Variants in DEPDC1B observed in about 807,000 individuals in gnomAD.
DEPDC1B encodes DEP domain containing 1B, also known as DEP domain-containing protein 1B.
A neutral mutation model predicts 66.5 loss-of-function variants in DEPDC1B; 51 were observed. That is an observed-to-expected ratio of 0.77 (90% CI 0.61 to 0.97). The LOEUF (loss-of-function observed/expected upper bound fraction) is 0.97. Ranked by LOEUF, DEPDC1B falls within the 50% of genes least tolerant of loss-of-function variation. The pLI, the probability that DEPDC1B is intolerant of heterozygous loss-of-function variation, is 0.00. For synonymous variants in DEPDC1B, 226 were observed against 223.6 expected (o/e 1.01, Z -0.10); for missense variants, 552 against 637.1 (o/e 0.87, Z 1.44).
chr5:60,692,039 T>C (rs1049801926), intron 1 of DEPDC1B, among the ~76,000 whole-genome samples: 2 of 152,140 alleles, frequency 1.3e-5, no homozygotes, highest in Admixed American at 6.5e-5. Flanking sequence ...TGCAACGACA[T>C]GGATGGAAGT....
At chr5:60,621,596 A>T (rs1266791460) in intron 7 of DEPDC1B, among the ~76,000 whole-genome samples, 2 of 152,010 alleles carry the variant, frequency 1.3e-5, no homozygotes, top group African/African-American at 4.8e-5. Context: ...TGTCGACTTA[A>T]TGGGTGCAGC....
At chr5:60,621,985 A>G (rs938783291) in intron 7 of DEPDC1B, among the ~76,000 whole-genome samples, 19 of 152,126 alleles carry the variant, frequency 1.2e-4, no homozygotes, top group African/African-American at 3.9e-4. Context: ...AGTTATATTA[A>G]ATAAAACCCT....
chr5:60,681,011 G>A (rs1414939395), intron 2 of DEPDC1B, among the ~76,000 whole-genome samples: 1 of 152,184 alleles, frequency 6.6e-6, no homozygotes, highest in Non-Finnish European at 1.5e-5. Context: ...TTTACAACTA[G>A]GATACTACCA....
chr5:60,661,361 G>A (rs939294385), intron 2 of DEPDC1B, among the ~76,000 whole-genome samples: 2 of 152,186 alleles, frequency 1.3e-5, no homozygotes, highest in Non-Finnish European at 2.9e-5. Flanking sequence ...TACACACCCT[G>A]GAAAGGAATA....
chr5:60,637,008 G>C (rs1327405536), intron 7 of DEPDC1B, among the ~76,000 whole-genome samples: 1 of 152,072 alleles, frequency 6.6e-6, no homozygotes, highest in South Asian at 2.1e-4. Context: ...ATACAAATTG[G>C]AATTTGTTTT....
intron 2 of DEPDC1B, among the ~76,000 whole-genome samples, chr5:60,682,553 A>G (rs951112251): frequency 5.9e-5 from 9 of 152,164 alleles, no homozygotes; most frequent in African/African-American, 9.6e-5. Context: ...AAAATAAAGA[A>G]AGCCTACATG....
At chr5:60,621,674 A>C (rs1431275699) in intron 7 of DEPDC1B, among the ~76,000 whole-genome samples, 2 of 152,176 alleles carry the variant, frequency 1.3e-5, no homozygotes. Context: ...CCTAGAACTT[A>C]AAGTATACCC....
chr5:60,676,474 A>T (rs1027275705), intron 2 of DEPDC1B, among the ~76,000 whole-genome samples: 2 of 152,158 alleles, frequency 1.3e-5, no homozygotes, highest in Admixed American at 6.5e-5. Flanking sequence ...CCTCGCTTTA[A>T]TAACTTCTCC....
chr5:60,687,205 A>G lies in DEPDC1B; in HGVS notation c.71T>C (p.Phe24Ser), dbSNP rs988631531. The G allele has an allele frequency of 5.6e-6, 9 of 1,612,196 alleles. No individual in the cohort carries two copies. The highest frequency in any genetic ancestry group is 5.0e-5 in the Admixed American group (3 of 59,976). Residue 24 changes from phenylalanine (F) to serine (S), a missense_variant, in exon 2 of 11, where the codon TTT becomes TCT. By Grantham distance (155) the Phe-to-Ser change is radical (BLOSUM62 -2). Transcript: ENST00000265036. ...TTTCCGTAACGGCATCTTAGCACGA[A>G]AAAGCTCCACGGTCTCATTCCACTA... The part of the protein sequence containing the change: ...TRLWNETVEL[F>S]RAKMPLRKHR...
chr5:60,603,596 C>A (rs772636966), intron 8 of DEPDC1B, 29 bp from the exon 9 acceptor site: 3 of 1,541,656 alleles, frequency 1.9e-6, no homozygotes. Context: ...GGGGGGTAAA[C>A]GCAGATGAGT....
rs1015844573 is a variant in DEPDC1B, at chr5:60,635,782, T to A, written c.898+2968A>T. Among the ~76,000 whole-genome samples, 11 of 152,228 alleles carry A rather than the reference T, an allele frequency of 7.2e-5. No homozygotes were observed. The South Asian group carries it at 1.0e-3, about 14-fold the overall frequency. On this transcript the variant is annotated intron_variant, in intron 7 of 10. Coordinates refer to ENST00000265036, the MANE Select transcript of DEPDC1B (RefSeq NM_018369.3). ...GCTGCCAGATCTTCTAAATTTTTTT[T>A]AAAAAAACAGAAATATGAATTCTGA...
At chr5:60,699,454 A>AAAAAAAAAAAAAAAAAC (rs1168069082) in intron 1 of DEPDC1B, among the ~76,000 whole-genome samples, 1 of 150,798 alleles carries the variant, frequency 6.6e-6, no homozygotes, top group Non-Finnish European at 1.5e-5. Flanking sequence ...AAAAAAAAAA[A>AAAAAAAAAAAAAAAAAC]AAAAAAAACA....
intron 1 of DEPDC1B, among the ~76,000 whole-genome samples, chr5:60,692,117 C>T (rs1019482505): frequency 1.3e-5 from 2 of 152,020 alleles, no homozygotes; most frequent in African/African-American, 2.4e-5. Context: ...CTCATTTATA[C>T]GTGGAATCTA....
chr5:60,633,207 C>A (rs561077182), intron 7 of DEPDC1B, among the ~76,000 whole-genome samples: 1 of 152,334 alleles, frequency 6.6e-6, no homozygotes, highest in South Asian at 2.1e-4. Flanking sequence ...AGAGCCTGGA[C>A]TCCTTACCCC....
chr5:60,663,655 T>A (rs1375398804), intron 2 of DEPDC1B, among the ~76,000 whole-genome samples: 1 of 152,184 alleles, frequency 6.6e-6, no homozygotes, highest in African/African-American at 2.4e-5. Flanking sequence ...ATAGCCCCCA[T>A]CTATTTGGCC....
chr5:60,612,122 T>C (rs1247475805), intron 7 of DEPDC1B, among the ~76,000 whole-genome samples: 1 of 152,000 alleles, frequency 6.6e-6, no homozygotes, highest in Non-Finnish European at 1.5e-5. Context: ...CTAGGGCCCT[T>C]AAGAATTATG....
chr5:60,630,828 T>C (rs1034067562), intron 7 of DEPDC1B: 23 of 156,828 alleles, frequency 1.5e-4, no homozygotes, highest in African/African-American at 5.5e-4. Context: ...AAGACATCTG[T>C]ACCTAGCAGA....
rs1014273489 is a variant in DEPDC1B, at chr5:60,642,975, A to C, written c.710-116T>G. The C allele has an allele frequency of 5.3e-5, 37 of 699,158 alleles. 1 individual carries two copies. The South Asian group carries it at 7.2e-4, about 14-fold the overall frequency. The allele number at this position is 699,158 out of a possible 1,614,324, so 43.3% of individuals were successfully genotyped here. ...GTAATATGAACCATATCTGCTAATC[A>C]CAAATCACCAATTTATGTTATTAGA... is the stretch of plus-strand genomic sequence containing the variant. On this transcript the variant is annotated intron_variant, in intron 5 of 10. Coordinates refer to ENST00000265036, the MANE Select transcript of DEPDC1B (RefSeq NM_018369.3).
intron 7 of DEPDC1B, among the ~76,000 whole-genome samples, chr5:60,621,153 G>T (rs1243706821): frequency 6.6e-6 from 1 of 151,880 alleles, no homozygotes; most frequent in Non-Finnish European, 1.5e-5. Context: ...GTGGGGGTAG[G>T]GGGAGGGATA....
Sources: allele counts gnomAD v4.1 joint callset (sites outside exome capture counted in the v4.1 genomes callset), GRCh38; gene constraint gnomAD v4.1.1; transcripts MANE v1.5; gene names NCBI Gene and HGNC (gene_info 2026-07-23, HGNC 2026-07-21).